Variants in LGSN observed in about 807,000 individuals in gnomAD.
The protein encoded by LGSN is lengsin.
A neutral mutation model predicts 19.5 loss-of-function variants in LGSN; 21 were observed. That is an observed-to-expected ratio of 1.07 (90% CI 0.76 to 1.55). LGSN has a LOEUF of 1.55. LGSN is among the 40% of genes most tolerant of loss of function. The pLI, the probability that LGSN is intolerant of heterozygous loss-of-function variation, is 0.00. For missense variants in LGSN, 673 were observed against 608.5 expected (o/e 1.11, Z -1.12); for synonymous variants, 257 against 215.6 (o/e 1.19, Z -1.68).
At chr6:63,413,739 C>T in the LGSN span, among the ~76,000 whole-genome samples, 2 of 152,058 alleles carry the variant, frequency 1.3e-5, no homozygotes, top group Non-Finnish European at 2.9e-5. Context: ...AGGTAAAATG[C>T]CATAAAATTA....
the LGSN span, among the ~76,000 whole-genome samples, chr6:63,445,778 A>G: frequency 2.0e-5 from 3 of 152,178 alleles, no homozygotes; most frequent in East Asian, 3.8e-4. Flanking sequence ...CTGAATTACT[A>G]CAATTGCCTG....
At chr6:63,341,414 T>TGGATC in the LGSN span, among the ~76,000 whole-genome samples, 1 of 152,118 alleles carries the variant, frequency 6.6e-6, no homozygotes, top group Non-Finnish European at 1.5e-5. Flanking sequence ...TGTGTGTGAG[T>TGGATC]GGATCGGTCT....
the LGSN span, among the ~76,000 whole-genome samples, chr6:63,564,555 GGATT>G: frequency 5.9e-4 from 90 of 152,260 alleles, no homozygotes; most frequent in Middle Eastern, 3.4e-3. Context: ...CTGTCTGTCT[GGATT>G]ATCTGCAGCC....
chr6:63,421,437 T>G, the LGSN span, among the ~76,000 whole-genome samples: 891 of 142,582 alleles, frequency 6.2e-3, 5 homozygotes, highest in African/African-American at 0.022. Flanking sequence ...AAAAAAAAAT[T>G]ATTCAGTCGG....
chr6:63,366,784 C>T, the LGSN span, among the ~76,000 whole-genome samples: 1 of 152,138 alleles, frequency 6.6e-6, no homozygotes, highest in Middle Eastern at 3.4e-3. Context: ...GAAATAATAC[C>T]ACACATCTAA....
At chr6:63,335,487 T>C in the LGSN span, among the ~76,000 whole-genome samples, 3 of 152,006 alleles carry the variant, frequency 2.0e-5, no homozygotes, top group Non-Finnish European at 4.4e-5. Flanking sequence ...CATTAAAAAG[T>C]GGGCAAACGA....
chr6:63,283,062 C>T (rs1294864781), intron 3 of LGSN, among the ~76,000 whole-genome samples: 1 of 152,126 alleles, frequency 6.6e-6, no homozygotes, highest in Non-Finnish European at 1.5e-5. Flanking sequence ...TGCCATTTCA[C>T]TCCAATAGTC....
chr6:63,446,691 CTGGCTGTTAAGT>C, the LGSN span, among the ~76,000 whole-genome samples: 1 of 152,178 alleles, frequency 6.6e-6, no homozygotes, highest in East Asian at 1.9e-4. Context: ...TCAGTTCATG[CTGGCTGTTAAGT>C]TGATGTGAGT....
At chr6:63,545,777 A>T in the LGSN span, among the ~76,000 whole-genome samples, 31 of 152,200 alleles carry the variant, frequency 2.0e-4, no homozygotes, top group African/African-American at 7.0e-4. Flanking sequence ...ATTCAATCCA[A>T]TACTCTGAGA....
the LGSN span, among the ~76,000 whole-genome samples, chr6:63,515,314 C>A: frequency 1.3e-5 from 2 of 152,208 alleles, no homozygotes; most frequent in Non-Finnish European, 2.9e-5. Context: ...TCACTGCAAC[C>A]TCCGCCTCCC....
the LGSN span, among the ~76,000 whole-genome samples, chr6:63,458,115 T>A: frequency 1.3e-5 from 2 of 152,060 alleles, no homozygotes; most frequent in Admixed American, 1.3e-4. Context: ...TTACCCAGGC[T>A]GGAGTGCAAT....
the LGSN span, among the ~76,000 whole-genome samples, chr6:63,505,170 CT>C: frequency 1.5e-3 from 211 of 143,880 alleles, no homozygotes; most frequent in South Asian, 4.1e-3. Flanking sequence ...TAGTAACTTG[CT>C]TTTTTTTTTT....
chr6:63,448,484 G>A, the LGSN span, among the ~76,000 whole-genome samples: 1 of 151,824 alleles, frequency 6.6e-6, no homozygotes, highest in Admixed American at 6.6e-5. Flanking sequence ...AAATTAACAA[G>A]CTATCACGGA....
chr6:63,288,070 T>C (rs1156819465), intron 2 of LGSN, among the ~76,000 whole-genome samples: 1 of 151,148 alleles, frequency 6.6e-6, no homozygotes, highest in African/African-American at 2.4e-5. Flanking sequence ...TTAAAAAAAC[T>C]AGCCAGGCAT....
intron 2 of LGSN, chr6:63,293,649 C>G (rs1241012939): frequency 2.3e-6 from 1 of 437,970 alleles, no homozygotes; most frequent in Non-Finnish European, 4.6e-6. Context: ...TTCCAGAATC[C>G]TTACCAGTAA....
At chr6:63,366,637 T>C in the LGSN span, among the ~76,000 whole-genome samples, 1 of 151,998 alleles carries the variant, frequency 6.6e-6, no homozygotes, top group African/African-American at 2.4e-5. Context: ...GCCAAGACAA[T>C]CCTAAACCAA....
In LGSN at chr6:63,279,886, C is replaced by CAA; in HGVS notation, c.*133_*134dup. The stretch of plus-strand genomic sequence containing the variant: ...CTTCATCTGTCAAATATTCCATGGA[C>CAA]AAAAAAAAAAGTCAAAAGCATTCGT... On this transcript the variant is annotated 3_prime_UTR_variant, in exon 4 of 4. Coordinates refer to ENST00000370657, the MANE Select transcript of LGSN (RefSeq NM_016571.3). 3.1e-5 allele frequency: 22 copies of CAA among 716,598 alleles called. No homozygotes were observed. The highest frequency in any genetic ancestry group is 3.7e-5 in the African/African-American group (2 of 53,682). 44.4% of individuals were successfully genotyped at this position (716,598 alleles called of 1,614,324 possible).
the LGSN span, among the ~76,000 whole-genome samples, chr6:63,366,749 C>G: frequency 6.6e-6 from 1 of 152,086 alleles, no homozygotes; most frequent in Non-Finnish European, 1.5e-5. Context: ...TAGATATAGA[C>G]CAATGGAACA....
intron 1 of LGSN, among the ~76,000 whole-genome samples, chr6:63,301,712 A>G (rs1006307995): frequency 6.6e-5 from 10 of 152,206 alleles, no homozygotes; most frequent in Admixed American, 2.6e-4. Flanking sequence ...TGTAGTATTA[A>G]TAAGAGTGAA....
Sources: allele counts gnomAD v4.1 joint callset (sites outside exome capture counted in the v4.1 genomes callset), GRCh38; gene constraint gnomAD v4.1.1; transcripts MANE v1.5; gene names NCBI Gene and HGNC (gene_info 2026-07-23, HGNC 2026-07-21).